The following ASIC2 variants were observed in gnomAD, a reference collection of about 807,000 sequenced individuals.
ASIC2 encodes acid sensing ion channel subunit 2.
A neutral mutation model predicts 57.3 loss-of-function variants in ASIC2; 25 were observed. That is an observed-to-expected ratio of 0.44 (90% CI 0.32 to 0.61). ASIC2 has a LOEUF of 0.61. Ranked by LOEUF, ASIC2 falls within the 20% of genes least tolerant of loss-of-function variation. The pLI, the probability that ASIC2 is intolerant of heterozygous loss-of-function variation, is 0.06. For synonymous variants in ASIC2, 319 were observed against 307.5 expected, an observed-to-expected ratio of 1.04 and a Z score of -0.39; for missense variants, 641 against 738.1, an observed-to-expected ratio of 0.87 and a Z score of 1.52.
chr17:33,142,448 G>C (rs1904354517), intron 1 of ASIC2, among the ~76,000 whole-genome samples: 1 of 152,178 alleles, frequency 6.6e-6, no homozygotes, highest in South Asian at 2.1e-4. Context: ...GTCTTCAAAG[G>C]ATAGCTGTAT....
intron 1 of ASIC2, among the ~76,000 whole-genome samples, chr17:34,141,922 G>A (rs1912283221): frequency 6.6e-6 from 1 of 152,304 alleles, no homozygotes; most frequent in Admixed American, 6.5e-5. Flanking sequence ...CATTGTGGCA[G>A]CCTTGACTGC....
intron 1 of ASIC2, among the ~76,000 whole-genome samples, chr17:33,994,004 T>C (rs1436226142): frequency 6.6e-6 from 1 of 152,152 alleles, no homozygotes; most frequent in East Asian, 1.9e-4. Flanking sequence ...ATGTGTCTTT[T>C]TTGCCTGTGT....
rs2081573257 is a variant in ASIC2, at chr17:33,364,346, CA to C, written c.556-252280del. Among the ~76,000 whole-genome samples, 5 of 152,044 alleles carry C rather than the reference CA, an allele frequency of 3.3e-5. No homozygotes were observed. In the South Asian group the frequency reaches 1.0e-3, roughly 32 times the overall value. On this transcript the variant is annotated intron_variant, in intron 1 of 9. Coordinates refer to the ASIC2 transcript ENST00000359872. ...AAATGACATAACCTTTTTGAAGACT[CA>C]AAAAATGGGTCAAAATGGGACTTAC...
At chr17:33,476,226 G>C (rs1167390219) in intron 1 of ASIC2, among the ~76,000 whole-genome samples, 1 of 152,046 alleles carries the variant, frequency 6.6e-6, no homozygotes, top group Non-Finnish European at 1.5e-5. Flanking sequence ...CAGTCCCAGA[G>C]ACCTTAGGAA....
chr17:33,683,260 G>GT (rs1908067157), intron 1 of ASIC2, among the ~76,000 whole-genome samples: 1 of 152,184 alleles, frequency 6.6e-6, no homozygotes, highest in Non-Finnish European at 1.5e-5. Flanking sequence ...TAGAGATGGG[G>GT]TTTCACCATG....
At chr17:33,386,273 C>A (rs1909673925) in intron 1 of ASIC2, among the ~76,000 whole-genome samples, 1 of 152,158 alleles carries the variant, frequency 6.6e-6, no homozygotes, top group African/African-American at 2.4e-5. Flanking sequence ...CCCTAGGTGT[C>A]CACTTTGCTT....
chr17:33,240,370 CT>C (rs1908455636), intron 1 of ASIC2, among the ~76,000 whole-genome samples: 1 of 152,110 alleles, frequency 6.6e-6, no homozygotes. Context: ...TCTTTCAAGC[CT>C]GAAATTGCTA....
At chr17:33,064,669 G>A (rs1465866923) in intron 3 of ASIC2, among the ~76,000 whole-genome samples, 1 of 152,186 alleles carries the variant, frequency 6.6e-6, no homozygotes, top group African/African-American at 2.4e-5. Flanking sequence ...CAGTCTGTCT[G>A]TTCTCAGATC....
chr17:33,602,487 C>A (rs1020953443), intron 1 of ASIC2, among the ~76,000 whole-genome samples: 1 of 152,184 alleles, frequency 6.6e-6, no homozygotes, highest in South Asian at 2.1e-4. Context: ...AGGCCCTCAC[C>A]AGATGCAGCC....
chr17:33,924,799 G>GAGC (rs1915789926), intron 1 of ASIC2, among the ~76,000 whole-genome samples: 1 of 152,198 alleles, frequency 6.6e-6, no homozygotes, highest in Non-Finnish European at 1.5e-5. Flanking sequence ...TTGGGCCAGT[G>GAGC]AGCACCCTGT....
At chr17:33,118,359 T>C (rs2092288779) in intron 1 of ASIC2, among the ~76,000 whole-genome samples, 1 of 152,174 alleles carries the variant, frequency 6.6e-6, no homozygotes, top group African/African-American at 2.4e-5. Flanking sequence ...AAGATAATAT[T>C]ATCATCCCCA....
At chr17:33,730,724 C>A (rs963851730) in intron 1 of ASIC2, among the ~76,000 whole-genome samples, 3 of 152,326 alleles carry the variant, frequency 2.0e-5, no homozygotes, top group African/African-American at 7.2e-5. Context: ...GAACTCAGTT[C>A]TCTGTGTCTC....
intron 1 of ASIC2, among the ~76,000 whole-genome samples, chr17:33,977,653 T>C (rs566034316): frequency 6.6e-6 from 1 of 152,302 alleles, no homozygotes; most frequent in South Asian, 2.1e-4. Flanking sequence ...CTAAGAGAGA[T>C]CTTTCCCAAT....
intron 1 of ASIC2, among the ~76,000 whole-genome samples, chr17:33,308,944 A>T (rs1323222420): frequency 6.6e-6 from 1 of 152,326 alleles, no homozygotes; most frequent in South Asian, 2.1e-4. Flanking sequence ...GGGGTTTGGC[A>T]TTGAGGTAGC....
At chr17:33,399,529 C>T (rs1910204763) in intron 1 of ASIC2, among the ~76,000 whole-genome samples, 1 of 152,184 alleles carries the variant, frequency 6.6e-6, no homozygotes, top group Admixed American at 6.5e-5. Context: ...CAAAAAATCT[C>T]CGATGAACCA....
intron 6 of ASIC2, among the ~76,000 whole-genome samples, chr17:33,022,216 C>T (rs1475436950): frequency 6.6e-6 from 1 of 152,190 alleles, no homozygotes; most frequent in Non-Finnish European, 1.5e-5. Flanking sequence ...TTCCCTTCTT[C>T]CCATCTGCCT....
chr17:33,181,426 C>A (rs73277899), intron 1 of ASIC2, among the ~76,000 whole-genome samples: 4,054 of 152,234 alleles, frequency 0.027, 178 homozygotes, highest in African/African-American at 0.093. Flanking sequence ...TGGCTTAGAA[C>A]AACAGAAGTT....
chr17:33,799,458 C>T lies in ASIC2; in HGVS notation c.555+356520G>A, dbSNP rs908090976. 1.1e-4 allele frequency among the ~76,000 whole-genome samples: 11 copies of T among 102,850 alleles called. No individual in the cohort carries two copies. In the South Asian group the frequency reaches 2.9e-3, roughly 27 times the overall value. The allele number at this position is 102,850 out of a possible 152,430, so 67.5% of individuals were successfully genotyped here. ...TCTTTCTTTCTTTCTTTCTTTCTTTCTTTCTTTCTTTCTTTCTTTCCTTCT... is the reference window on the plus strand; with the variant it reads ...TCTTTCTTTCTTTCTTTCTTTCTTTTTTTCTTTCTTTCTTTCTTTCCTTCT... On this transcript the variant is annotated intron_variant, in intron 1 of 9. Coordinates refer to the ASIC2 transcript ENST00000359872.
chr17:34,098,951 C>A (rs1400870780), intron 1 of ASIC2, among the ~76,000 whole-genome samples: 1 of 151,778 alleles, frequency 6.6e-6, no homozygotes, highest in African/African-American at 2.4e-5. Context: ...GCTCTGATGG[C>A]AGGAACAAGG....
Sources: gnomAD v4.1 joint callset for allele counts (sites outside exome capture counted in the v4.1 genomes callset) on GRCh38, gnomAD v4.1.1 for gene constraint, MANE v1.5 for transcripts, NCBI Gene and HGNC (gene_info 2026-07-23, HGNC 2026-07-21) for gene names.